The following GREB1 variants were observed in gnomAD, a reference collection of about 807,000 sequenced individuals.
GREB1 encodes protein GREB1.
In GREB1, 106 loss-of-function variants were observed where a neutral mutation model predicts 200.7. That is an observed-to-expected ratio of 0.53 (90% CI 0.45 to 0.62). The LOEUF (loss-of-function observed/expected upper bound fraction) is 0.62. Ranked by LOEUF, GREB1 falls within the 20% of genes least tolerant of loss-of-function variation. The probability of loss-of-function intolerance (pLI) is 0.00; values close to 1 mark genes in which losing one functional copy is unlikely to be tolerated. For missense variants in GREB1, 2,243 were observed against 2,556.8 expected, an observed-to-expected ratio of 0.88 and a Z score of 2.65; for synonymous variants, 1,132 against 1,092.4, an observed-to-expected ratio of 1.04 and a Z score of -0.72.
intron 18 of GREB1, 61 bp from the exon 19 acceptor site, chr2:11,612,434 T>G: frequency 6.6e-7 from 1 of 1,512,344 alleles, no homozygotes; most frequent in Non-Finnish European, 9.1e-7. Flanking sequence ...AGGATTCCTC[T>G]GAGCTGGGCT....
At chr2:11,620,879 G>A in intron 22 of GREB1, 26 bp from the exon 23 acceptor site, 1 of 1,411,906 alleles carries the variant, frequency 7.1e-7, no homozygotes, top group Non-Finnish European at 1.0e-6. Flanking sequence ...TCCTCACTGG[G>A]GGTTTTAACT....
chr2:11,562,671 G>A, intron 3 of GREB1, 89 bp downstream of exon 3: 2 of 1,391,772 alleles, frequency 1.4e-6, no homozygotes, highest in Non-Finnish European at 1.9e-6. Context: ...GTGACTGTGT[G>A]CTGCAGGGGT....
Position 11,626,847 on chromosome 2 carries a change from C to G in GREB1, c.4307-115C>G. On this transcript the variant is annotated intron_variant, in intron 24 of 32. Coordinates refer to ENST00000381486, the MANE Select transcript of GREB1 (RefSeq NM_014668.4). ...GAGGTGAGAGGCAGTCCTCCCCAACCAGACAGAATCCTGTTGTCTGGTCAT... is the reference window on the plus strand; with the variant it reads ...GAGGTGAGAGGCAGTCCTCCCCAACGAGACAGAATCCTGTTGTCTGGTCAT... 4 of 1,093,536 alleles carry G rather than the reference C, an allele frequency of 3.7e-6. No homozygotes were observed. In the South Asian group the frequency reaches 5.6e-5, roughly 15 times the overall value. 67.7% of individuals were successfully genotyped at this position (1,093,536 alleles called of 1,614,324 possible).
rs1672955697 is a variant in GREB1, at chr2:11,498,842, T to C, written c.-159+16461T>C. On this transcript the variant is annotated intron_variant, in intron 1 of 2. Transcript: ENST00000628795. ...CAGACTCACCGAAACTGCTGACTGA[T>C]TTCAGTTGTCAGCCCCTGTGACATC... Among the ~76,000 whole-genome samples the C allele has an allele frequency of 5.9e-5, 9 of 152,190 alleles. 1 individual carries two copies. The South Asian group carries it at 1.9e-3, about 32-fold the overall frequency.
chr2:11,503,171 G>T (rs935594626), intron 1 of GREB1, among the ~76,000 whole-genome samples: 1 of 152,126 alleles, frequency 6.6e-6, no homozygotes, highest in East Asian at 1.9e-4. Flanking sequence ...AGAAAGAAAC[G>T]TTCCTGATGA....
intron 1 of GREB1, among the ~76,000 whole-genome samples, chr2:11,488,333 G>A (rs1355964857): frequency 6.6e-6 from 1 of 152,160 alleles, no homozygotes; most frequent in South Asian, 2.1e-4. Flanking sequence ...AAAAACAACA[G>A]AGACGAAACC....
At chr2:11,572,855 C>T (rs1485880781) in intron 4 of GREB1, among the ~76,000 whole-genome samples, 4 of 152,064 alleles carry the variant, frequency 2.6e-5, no homozygotes, top group Non-Finnish European at 5.9e-5. Flanking sequence ...GGCTTGGTCA[C>T]CCTGTACCAT....
chr2:11,555,690 A>G (rs1362299014), intron 1 of GREB1, among the ~76,000 whole-genome samples: 1 of 152,226 alleles, frequency 6.6e-6, no homozygotes, highest in Non-Finnish European at 1.5e-5. Context: ...AAATCTATAG[A>G]GACAGAAAAT....
rs150524051 is a variant in GREB1 at position 11,611,586 on chromosome 2, T to C, written c.3006+559T>C. Among the ~76,000 whole-genome samples, 1,102 of 152,328 alleles carry C rather than the reference T, an allele frequency of 7.2e-3. 14 individuals carry two copies. The highest frequency in any genetic ancestry group is 0.025 in the African/African-American group (1,036 of 41,576). The stretch of plus-strand genomic sequence containing the variant: ...CTCCCAAAGTGCTGGGTTCCAGGTG[T>C]GAGCTGCCCTGCTTATTTTCTGCAG... On this transcript the variant is annotated intron_variant, in intron 18 of 32. Coordinates refer to ENST00000381486, the MANE Select transcript of GREB1 (RefSeq NM_014668.4).
At position 11,618,166 on chromosome 2, in the gene GREB1, GTGACT is replaced by G. The variant is rs1558643612; in HGVS notation, c.3413-121_3413-117del. ...CTGGGACAGGTCACTCCTGGGATGG[GTGACT>G]CCTGGGACAGGTCACTCCTGGGATG... On this transcript the variant is annotated intron_variant, in intron 21 of 32. Transcript: ENST00000381486. 0.012 allele frequency: 9,961 copies of G among 858,550 alleles called. 478 individuals are homozygous for G. The East Asian group carries it at 0.13, about 11-fold the overall frequency. The allele number at this position is 858,550 out of a possible 1,614,324, so 53.2% of individuals were successfully genotyped here.
chr2:11,610,014 G>T (rs1325297325), intron 17 of GREB1, among the ~76,000 whole-genome samples: 2 of 152,162 alleles, frequency 1.3e-5, no homozygotes, highest in Non-Finnish European at 1.5e-5. Flanking sequence ...TGGTGCCCTG[G>T]GGTCTGTGTG....
At chr2:11,596,403 G>A (rs1558607542) in intron 13 of GREB1, among the ~76,000 whole-genome samples, 164 bp downstream of exon 13, 2 of 142,152 alleles carry the variant, frequency 1.4e-5, no homozygotes, top group East Asian at 2.2e-4. Flanking sequence ...ACGGGGCACA[G>A]GTGTGTACAG....
intron 18 of GREB1, chr2:11,612,288 G>A: frequency 7.8e-7 from 1 of 1,288,788 alleles, no homozygotes; most frequent in South Asian, 1.6e-5. Flanking sequence ...ACATGCTCTG[G>A]CTGGCTAATC....
intron 1 of GREB1, among the ~76,000 whole-genome samples, chr2:11,489,136 CAATT>C (rs1223031831): frequency 6.6e-6 from 1 of 152,056 alleles, no homozygotes; most frequent in Non-Finnish European, 1.5e-5. Context: ...CTGGTAGGAA[CAATT>C]AGAGAACAAT....
chr2:11,571,224 G>C (rs574682627), intron 4 of GREB1, among the ~76,000 whole-genome samples: 4 of 152,170 alleles, frequency 2.6e-5, no homozygotes, highest in African/African-American at 9.6e-5. Flanking sequence ...GCACGGGGAG[G>C]GTGGTCATTA....
chr2:11,565,802 G>A (rs766349813), intron 3 of GREB1, among the ~76,000 whole-genome samples: 6 of 152,080 alleles, frequency 3.9e-5, no homozygotes, highest in African/African-American at 7.2e-5. Context: ...CTCAGCCTTC[G>A]TTTTTCATGA....
Position 11,640,010 on chromosome 2 carries a change from C to T in GREB1, c.5687-281C>T, listed in dbSNP as rs1685691776. ...GCTGAGGATGCTTGGTTTGCGATTCCACCAGCCTCTCTCCTTCCTCTCCGC... is the reference window on the plus strand; with the variant it reads ...GCTGAGGATGCTTGGTTTGCGATTCTACCAGCCTCTCTCCTTCCTCTCCGC... On this transcript the variant is annotated intron_variant, in intron 32 of 32. Coordinates refer to ENST00000381486, the MANE Select transcript of GREB1 (RefSeq NM_014668.4). The surrounding 1 kb of genome is among the most constrained non-coding windows in gnomAD (Gnocchi z 4.6). Among the ~76,000 whole-genome samples the T allele has an allele frequency of 6.6e-6, 1 of 152,108 alleles. No individual in the cohort carries two copies. The highest frequency in any genetic ancestry group is 2.4e-5 in the African/African-American group (1 of 41,404).
At chr2:11,631,861 G>GTGT (rs1558665490) in intron 26 of GREB1, 48 bp from the exon 27 acceptor site, 1 of 1,364,304 alleles carries the variant, frequency 7.3e-7, no homozygotes, top group Non-Finnish European at 1.0e-6. Flanking sequence ...GGGAATAATT[G>GTGT]CAGCCACATT....
At chr2:11,621,456 C>T (rs1039117703) in intron 23 of GREB1, among the ~76,000 whole-genome samples, 2 of 152,284 alleles carry the variant, frequency 1.3e-5, no homozygotes, top group Middle Eastern at 3.4e-3. Flanking sequence ...GCAGGGAGGT[C>T]AGTGTCTTGG....
Sources: gnomAD v4.1 joint callset for allele counts (sites outside exome capture counted in the v4.1 genomes callset) on GRCh38, gnomAD v4.1.1 for gene constraint, Gnocchi (gnomAD v3.1) non-coding constraint, MANE v1.5 for transcripts, NCBI Gene and HGNC (gene_info 2026-07-23, HGNC 2026-07-21) for gene names.